SLC25A25: variants seen among roughly 807,000 people sequenced by gnomAD.
The protein encoded by SLC25A25 is solute carrier family 25 member 25, also known as mitochondrial adenyl nucleotide antiporter SLC25A25.
Under a neutral mutation model 57.7 loss-of-function variants are expected in SLC25A25, and 32 were observed. The observed-to-expected ratio is 0.55, with a 90% confidence interval of 0.42 to 0.74. SLC25A25 has a LOEUF of 0.74. Ranked by LOEUF, SLC25A25 falls within the 30% of genes least tolerant of loss-of-function variation. SLC25A25 has a pLI of 0.00. For missense variants in SLC25A25, 556 were observed against 701.3 expected (o/e 0.79, Z 2.34); for synonymous variants, 306 against 291.2 (o/e 1.05, Z -0.52).
At chr9:128,069,301 G>A (rs59540652) in intron 1 of SLC25A25, among the ~76,000 whole-genome samples, 2,272 of 152,350 alleles carry the variant, frequency 0.015, 57 homozygotes, top group African/African-American at 0.051. Flanking sequence ...GGCCTGCCAG[G>A]AAGAGAAGTG....
rs927354945 is a variant in SLC25A25, at chr9:128,101,817, T to C, written c.477-263T>C. ...GGCGCTGCCCCAAAAGATAGCTCCC[T>C]GGTGCGGGGCGGCTGCCAGGAAATC... On this transcript the variant is annotated intron_variant, in intron 3 of 10. Coordinates refer to ENST00000373069, the MANE Select transcript of SLC25A25 (RefSeq NM_001330988.2). This position sits in a 1 kb window ranked among gnomAD's most constrained non-coding sequence, Gnocchi z 4.9. Among the ~76,000 whole-genome samples the C allele has an allele frequency of 6.6e-6, 1 of 152,136 alleles. No individual in the cohort carries two copies. The highest frequency in any genetic ancestry group is 1.5e-5 in the Non-Finnish European group (1 of 68,030).
rs765462110 is a variant in SLC25A25, at chr9:128,106,540, G to A, written c.1212+20G>A. 2.0e-5 allele frequency: 32 copies of A among 1,571,326 alleles called. No homozygotes were observed. The South Asian group carries it at 3.6e-4, about 18-fold the overall frequency. On this transcript the variant is annotated intron_variant, in intron 9 of 10. Transcript: ENST00000373069. The stretch of plus-strand genomic sequence containing the variant: ...TACGAGGTGAGGCCCAAGCTGGACA[G>A]ATTTAGAAACCTCCTCCCAGCACAC...
rs1834072584 is a variant in SLC25A25, at chr9:128,107,064, G to A, written c.1248G>A (p.Val416=). The A allele has an allele frequency of 6.2e-7, 1 of 1,614,140 alleles. No homozygotes were observed. Among genetic ancestry groups the A allele is most frequent in the African/African-American group, 1.3e-5 (1 of 75,048 alleles). ...LKNAWLQHYA[V]NSADPGVFVL... ...ATGCCTGGCTGCAGCACTATGCAGT[G>A]AACAGCGCGGACCCCGGCGTGTTTG... Residue 416 remains valine, a synonymous_variant, in exon 10 of 11, where the codon GTG becomes GTA. Coordinates refer to ENST00000373069, the MANE Select transcript of SLC25A25 (RefSeq NM_001330988.2).
chr9:128,098,546 A>T (rs1262580104), intron 1 of SLC25A25: 1 of 1,603,632 alleles, frequency 6.2e-7, no homozygotes, highest in Non-Finnish European at 8.5e-7. Context: ...AGGGCAGTGG[A>T]GCACCCAGCA....
At chr9:128,071,403 CTATTAT>C (rs1227472171) in intron 1 of SLC25A25, among the ~76,000 whole-genome samples, 1 of 151,790 alleles carries the variant, frequency 6.6e-6, no homozygotes, top group African/African-American at 2.4e-5. Flanking sequence ...ATTTATTTAT[CTATTAT>C]TATTATTACT....
rs187960486 is a variant in SLC25A25, at chr9:128,079,759, G to A, written c.261+11179G>A. ...TGTAATCCCAGCACTTTGGGAGGCC[G>A]AGGCGGGCGGATCACGAGGTCAAGA... is the stretch of plus-strand genomic sequence containing the variant. On this transcript the variant is annotated intron_variant, in intron 1 of 10. Coordinates refer to ENST00000373069, the MANE Select transcript of SLC25A25 (RefSeq NM_001330988.2). Among the ~76,000 whole-genome samples the A allele has an allele frequency of 2.1e-3, 313 of 151,772 alleles. 3 individuals carry two copies. The East Asian group carries it at 0.032, about 15-fold the overall frequency.
At position 128,099,178 on chromosome 9, in the gene SLC25A25, C is replaced by T. The variant is rs1271844510; in HGVS notation, c.262-1918C>T. Reference sequence around the variant, plus strand: ...CTCAGACATCGCTGTGGAACAGGGCCTGTGTCTGCCCTGAAAGTGAGGAAG... The same window carrying T: ...CTCAGACATCGCTGTGGAACAGGGCTTGTGTCTGCCCTGAAAGTGAGGAAG... On this transcript the variant is annotated intron_variant, in intron 1 of 10. Transcript: ENST00000373069. The surrounding 1 kb of genome is among the most constrained non-coding windows in gnomAD (Gnocchi z 6.8). 7.1e-6 allele frequency: 9 copies of T among 1,259,126 alleles called. No homozygotes were observed. In the East Asian group the frequency reaches 4.7e-4, roughly 65 times the overall value. 78.0% of individuals were successfully genotyped at this position (1,259,126 alleles called of 1,614,324 possible). A position where few individuals can be genotyped will look rare whatever the true frequency, so the allele number is the denominator to read the frequency against.
chr9:128,089,837 A>G (rs1833359099), intron 1 of SLC25A25, among the ~76,000 whole-genome samples: 1 of 151,650 alleles, frequency 6.6e-6, no homozygotes, highest in East Asian at 1.9e-4. Context: ...GTTTCTCCAC[A>G]TTGTCCAGGC....
chr9:128,073,932 C>T (rs1295179720), intron 1 of SLC25A25, among the ~76,000 whole-genome samples: 1 of 152,046 alleles, frequency 6.6e-6, no homozygotes, highest in African/African-American at 2.4e-5. Flanking sequence ...CTGGGTTGCG[C>T]CATTTTGGCC....
intron 1 of SLC25A25, among the ~76,000 whole-genome samples, chr9:128,090,240 T>G (rs1319304299): frequency 2.0e-5 from 3 of 152,068 alleles, no homozygotes; most frequent in Admixed American, 6.5e-5. Context: ...GAGATGAAAT[T>G]TCGCTCTTGT....
At chr9:128,075,421 A>G (rs1372670627) in intron 1 of SLC25A25, among the ~76,000 whole-genome samples, 1 of 152,082 alleles carries the variant, frequency 6.6e-6, no homozygotes, top group Non-Finnish European at 1.5e-5. Context: ...AGTGGTTCAC[A>G]CCTGTAATCC....
chr9:128,096,067 G>A lies in SLC25A25; in HGVS notation c.262-5029G>A, dbSNP rs139329888. Reference sequence around the variant, plus strand: ...ATATTCAACAGATCTGTATAATTTAGTTTCAGAAGCAAACAATAATTTAAC... The same window carrying A: ...ATATTCAACAGATCTGTATAATTTAATTTCAGAAGCAAACAATAATTTAAC... On this transcript the variant is annotated intron_variant, in intron 1 of 10. Transcript: ENST00000373069. 4.3e-4 allele frequency among the ~76,000 whole-genome samples: 66 copies of A among 152,184 alleles called. 1 individual carries two copies. The highest frequency in any genetic ancestry group is 1.6e-3 in the African/African-American group (65 of 41,516).
chr9:128,099,330 C>T lies in SLC25A25; in HGVS notation c.262-1766C>T. On this transcript the variant is annotated intron_variant, in intron 1 of 10. Coordinates refer to ENST00000373069, the MANE Select transcript of SLC25A25 (RefSeq NM_001330988.2). This position sits in a 1 kb window ranked among gnomAD's most constrained non-coding sequence, Gnocchi z 6.8. The stretch of plus-strand genomic sequence containing the variant: ...ATCCAAGGAAGGAGACAGAAGGAGG[C>T]CCAGGCCCTGTGAGGCAGAAGCAAG... 7.9e-7 allele frequency: 1 copy of T among 1,265,878 alleles called. No homozygotes were observed. The highest frequency in any genetic ancestry group is 1.0e-6 in the Non-Finnish European group (1 of 979,404). 78.4% of individuals were successfully genotyped at this position (1,265,878 alleles called of 1,614,324 possible).
chr9:128,073,801 C>G (rs1033680759), intron 1 of SLC25A25, among the ~76,000 whole-genome samples: 1 of 151,250 alleles, frequency 6.6e-6, no homozygotes, highest in Non-Finnish European at 1.5e-5. Flanking sequence ...GTGGCGTGAT[C>G]TCAGCTCACT....
In SLC25A25 at chr9:128,106,340, T is replaced by C; in HGVS notation, c.1045-13T>C. ...AGGCTGTGCTCACGCGTCCCGCTGCTCCTGTTGTGCAGGTCCTGAAGACCC... is the reference window on the plus strand; with the variant it reads ...AGGCTGTGCTCACGCGTCCCGCTGCCCCTGTTGTGCAGGTCCTGAAGACCC... On this transcript the variant is annotated splice_polypyrimidine_tract_variant and intron_variant, in intron 8 of 10. Transcript: ENST00000373069. The C allele has an allele frequency of 5.6e-6, 9 of 1,613,734 alleles. No homozygotes were observed. The highest frequency in any genetic ancestry group is 7.6e-6 in the Non-Finnish European group (9 of 1,179,782).
intron 1 of SLC25A25, among the ~76,000 whole-genome samples, chr9:128,070,799 A>C (rs1832888541): frequency 6.6e-6 from 1 of 151,726 alleles, no homozygotes; most frequent in Non-Finnish European, 1.5e-5. Flanking sequence ...TAAAAATACA[A>C]AATTAACGGG....
intron 1 of SLC25A25, among the ~76,000 whole-genome samples, chr9:128,089,024 T>G (rs1381745332): frequency 6.6e-6 from 1 of 152,196 alleles, no homozygotes; most frequent in African/African-American, 2.4e-5. Flanking sequence ...GCCTCCCGTG[T>G]AGCTGGGACT....
chr9:128,091,987 C>T (rs768345049), intron 1 of SLC25A25: 5 of 1,613,978 alleles, frequency 3.1e-6, no homozygotes. Flanking sequence ...CCTGGAGAGA[C>T]CAGATGGCAA....
At chr9:128,072,421 C>T (rs1832926386) in intron 1 of SLC25A25, among the ~76,000 whole-genome samples, 1 of 152,168 alleles carries the variant, frequency 6.6e-6, no homozygotes, top group South Asian at 2.1e-4. Flanking sequence ...GTGTGAGATG[C>T]TGGGGTTTGC....
Sources: gnomAD v4.1 joint callset for allele counts (sites outside exome capture counted in the v4.1 genomes callset) on GRCh38, gnomAD v4.1.1 for gene constraint, Gnocchi (gnomAD v3.1) non-coding constraint, MANE v1.5 for transcripts, NCBI Gene and HGNC (gene_info 2026-07-23, HGNC 2026-07-21) for gene names.